The following NRXN1 variants were observed in gnomAD, a reference collection of about 807,000 sequenced individuals.
NRXN1 encodes the protein neurexin-1.
A neutral mutation model predicts 150.9 loss-of-function variants in NRXN1; 39 were observed. That is an observed-to-expected ratio of 0.26 (90% CI 0.20 to 0.34). The LOEUF (loss-of-function observed/expected upper bound fraction) is 0.34, where lower values mean the gene tolerates loss of function less well. Ranked by LOEUF, NRXN1 falls within the 10% of genes least tolerant of loss-of-function variation. The pLI, the probability that NRXN1 is intolerant of heterozygous loss-of-function variation, is 1.00. For synonymous variants in NRXN1, 924 were observed against 757.0 expected, an observed-to-expected ratio of 1.22 and a Z score of -3.62; for missense variants, 1,815 against 1,949.9, an observed-to-expected ratio of 0.93 and a Z score of 1.30.
intron 17 of NRXN1, among the ~76,000 whole-genome samples, chr2:50,385,702 T>G (rs1212791694): frequency 1.3e-5 from 2 of 152,116 alleles, no homozygotes; most frequent in East Asian, 3.9e-4. Context: ...TTTTCAACCT[T>G]CATCACTTAG....
In NRXN1 at chr2:49,940,952, C is replaced by T. The variant is rs1272089924; in HGVS notation, c.4216+2752G>A. On this transcript the variant is annotated intron_variant, in intron 22 of 22. Coordinates refer to ENST00000401669, the MANE Select transcript of NRXN1 (RefSeq NM_001330078.2). ...AAACTGAAGAGTGAGGAGGGACAAA[C>T]TGAAAGAGAGGAGAAAAAGTTAAAC... 2.6e-5 allele frequency among the ~76,000 whole-genome samples: 4 copies of T among 152,030 alleles called. No homozygotes were observed. In the South Asian group the frequency reaches 8.3e-4, roughly 32 times the overall value.
At chr2:50,690,588 A>C (rs1447015742) in intron 5 of NRXN1, among the ~76,000 whole-genome samples, 1 of 152,162 alleles carries the variant, frequency 6.6e-6, no homozygotes, top group Non-Finnish European at 1.5e-5. Context: ...TGGGTTTGAG[A>C]ATAAGTGTAA....
chr2:50,002,481 T>G (rs1172111391), intron 21 of NRXN1, among the ~76,000 whole-genome samples: 3 of 152,100 alleles, frequency 2.0e-5, no homozygotes, highest in Non-Finnish European at 4.4e-5. Flanking sequence ...GGCAAGAATA[T>G]TAGGATGTCA....
At chr2:50,654,046 A>G (rs112742041) in intron 5 of NRXN1, among the ~76,000 whole-genome samples, 3,451 of 88,664 alleles carry the variant, frequency 0.039, 139 homozygotes, top group African/African-American at 0.14. Flanking sequence ...CTTTTTTTTT[A>G]TACTTTAAGT....
chr2:50,928,294 G>GACAA (rs1687223180), intron 2 of NRXN1, among the ~76,000 whole-genome samples: 1 of 151,928 alleles, frequency 6.6e-6, no homozygotes, highest in Non-Finnish European at 1.5e-5. Flanking sequence ...TGATGATGAA[G>GACAA]ACAACTGGCT....
chr2:50,598,684 A>G (rs903258614), intron 8 of NRXN1, among the ~76,000 whole-genome samples: 1 of 146,710 alleles, frequency 6.8e-6, no homozygotes, highest in African/African-American at 2.5e-5. Flanking sequence ...ATGTGTATGT[A>G]TATACATATC....
At chr2:50,592,778 C>G (rs1448263550) in intron 8 of NRXN1, among the ~76,000 whole-genome samples, 2 of 151,974 alleles carry the variant, frequency 1.3e-5, no homozygotes, top group African/African-American at 4.8e-5. Flanking sequence ...GAGTTAGAAC[C>G]CTTGTGTATA....
Position 51,027,935 on chromosome 2 carries a change from G to A in NRXN1, c.339C>T (p.Ala113=), listed in dbSNP as rs767682431. The A allele has an allele frequency of 1.6e-5, 25 of 1,604,940 alleles. No individual in the cohort carries two copies. The Admixed American group carries it at 2.3e-4, about 15-fold the overall frequency. The part of the protein sequence containing the change: ...LLADTPVNDG[A]WHSVRIRRQF... ...GGCGGCGGATGCGCACGCTGTGCCA[G>A]GCGCCGTCGTTAACCGGCGTGTCGG... is the stretch of plus-strand genomic sequence containing the variant. Residue 113 remains alanine, a synonymous_variant, in exon 2 of 23, where the codon GCC becomes GCT. Transcript: ENST00000401669.
At chr2:50,508,613 T>C (rs1285138254) in intron 12 of NRXN1, among the ~76,000 whole-genome samples, 1 of 152,108 alleles carries the variant, frequency 6.6e-6, no homozygotes, top group African/African-American at 2.4e-5. Flanking sequence ...GCTTCACTTC[T>C]ATTCTTTTCT....
intron 5 of NRXN1, among the ~76,000 whole-genome samples, chr2:50,838,432 G>A (rs544876617): frequency 6.6e-6 from 1 of 152,152 alleles, no homozygotes; most frequent in African/African-American, 2.4e-5. Context: ...CAGCCATGTA[G>A]GACCTAAAAG....
intron 18 of NRXN1, among the ~76,000 whole-genome samples, chr2:50,174,288 T>C (rs2060217135): frequency 6.6e-6 from 1 of 152,180 alleles, no homozygotes; most frequent in African/African-American, 2.4e-5. Flanking sequence ...ATTGACTGTC[T>C]TGTGAGTCTG....
intron 2 of NRXN1, among the ~76,000 whole-genome samples, chr2:50,950,782 T>C (rs555130137): frequency 6.6e-6 from 1 of 152,334 alleles, no homozygotes; most frequent in African/African-American, 2.4e-5. Context: ...TCCATGCTAA[T>C]AACTTTTTAC....
chr2:50,749,195 C>G (rs947314466), intron 5 of NRXN1, among the ~76,000 whole-genome samples: 1 of 152,056 alleles, frequency 6.6e-6, no homozygotes, highest in Non-Finnish European at 1.5e-5. Context: ...TGGTTACATT[C>G]ACATATTTTA....
intron 17 of NRXN1, among the ~76,000 whole-genome samples, chr2:50,426,387 A>G (rs2084493542): frequency 6.6e-6 from 1 of 152,234 alleles, no homozygotes; most frequent in Admixed American, 6.5e-5. Flanking sequence ...TCAGAGGAGG[A>G]CAATCTTTTT....
intron 17 of NRXN1, among the ~76,000 whole-genome samples, chr2:50,250,988 A>C (rs2066993875): frequency 6.9e-6 from 1 of 144,180 alleles, no homozygotes; most frequent in Non-Finnish European, 1.5e-5. Flanking sequence ...TATGTAATAA[A>C]TTTATTACAC....
chr2:50,184,365 T>C (rs2060930223), intron 18 of NRXN1, among the ~76,000 whole-genome samples: 1 of 151,988 alleles, frequency 6.6e-6, no homozygotes, highest in South Asian at 2.1e-4. Flanking sequence ...TACTCAGTCA[T>C]TGAGAAAAGT....
chr2:50,570,179 A>G (rs559340709), intron 8 of NRXN1, among the ~76,000 whole-genome samples: 1 of 152,150 alleles, frequency 6.6e-6, no homozygotes, highest in Non-Finnish European at 1.5e-5. Flanking sequence ...TAGAAACAAG[A>G]TAGATCAAGC....
intron 5 of NRXN1, among the ~76,000 whole-genome samples, chr2:50,832,989 C>A (rs2105895429): frequency 6.6e-6 from 1 of 152,214 alleles, no homozygotes; most frequent in African/African-American, 2.4e-5. Flanking sequence ...ACCTACAAAT[C>A]AATTTAAAAG....
At position 50,840,302 on chromosome 2, in the gene NRXN1, C is replaced by T. The variant is rs891231662; in HGVS notation, c.832+81567G>A. ...GCCATCAATCTCAAAACCGTGAAAC[C>T]AAGATTGATGCTGGGAGAGTCTTTT... On this transcript the variant is annotated intron_variant, in intron 5 of 22. Coordinates refer to ENST00000401669, the MANE Select transcript of NRXN1 (RefSeq NM_001330078.2). 2.0e-5 allele frequency among the ~76,000 whole-genome samples: 3 copies of T among 152,046 alleles called. No homozygotes were observed. The South Asian group carries it at 6.2e-4, about 32-fold the overall frequency.
Sources: gnomAD v4.1 joint callset for allele counts (sites outside exome capture counted in the v4.1 genomes callset) on GRCh38, gnomAD v4.1.1 for gene constraint, MANE v1.5 for transcripts, NCBI Gene and HGNC (gene_info 2026-07-23, HGNC 2026-07-21) for gene names.